IQCK: variants seen among roughly 807,000 people sequenced by gnomAD.
IQCK encodes the protein IQ motif containing K.
Under a neutral mutation model 28.1 loss-of-function variants are expected in IQCK, and 29 were observed. The observed-to-expected ratio is 1.03, with a 90% confidence interval of 0.77 to 1.41. The LOEUF (loss-of-function observed/expected upper bound fraction) is 1.41, where lower values mean the gene tolerates loss of function less well. Ranked by LOEUF, IQCK falls within the 40% of genes most tolerant of loss-of-function variation. The pLI, the probability that IQCK is intolerant of heterozygous loss-of-function variation, is 0.00. For synonymous variants in IQCK, 113 were observed against 115.1 expected (o/e 0.98, Z 0.12); for missense variants, 359 against 314.7 (o/e 1.14, Z -1.07).
chr16:19,854,180 A>C (rs2056523559), intron 9 of IQCK, among the ~76,000 whole-genome samples: 1 of 152,196 alleles, frequency 6.6e-6, no homozygotes, highest in Admixed American at 6.5e-5. Context: ...GGCACCAATA[A>C]ATTTCAGAAG....
At chr16:19,744,024 G>T (rs1482695484) in intron 4 of IQCK, among the ~76,000 whole-genome samples, 1 of 152,110 alleles carries the variant, frequency 6.6e-6, no homozygotes, top group Non-Finnish European at 1.5e-5. Flanking sequence ...CTGCACACAT[G>T]AATTCAGGCA....
Position 19,790,744 on chromosome 16 carries a change from GGGC to G in IQCK, c.690+1823_690+1825del, listed in dbSNP as rs1425528059. On this transcript the variant is annotated intron_variant, in intron 7 of 7. Transcript: ENST00000564186. ...GTACATGGTACATTCCAGAAACCAT[GGGC>G]TAAAGGGAAGTGTGAAAGTTAAGTA... is the stretch of plus-strand genomic sequence containing the variant. Among the ~76,000 whole-genome samples, 7 of 101,736 alleles carry G rather than the reference GGGC, an allele frequency of 6.9e-5. 1 individual carries two copies. The highest frequency in any genetic ancestry group is 1.2e-4 in the African/African-American group (1 of 8,568). 66.7% of individuals were successfully genotyped at this position (101,736 alleles called of 152,430 possible).
At chr16:19,738,782 TGGTGTC>T (rs2054793542) in intron 4 of IQCK, among the ~76,000 whole-genome samples, 1 of 152,166 alleles carries the variant, frequency 6.6e-6, no homozygotes, top group Non-Finnish European at 1.5e-5. Flanking sequence ...GCTACCTGAG[TGGTGTC>T]ACTCTTGTTC....
intron 2 of IQCK, among the ~76,000 whole-genome samples, chr16:19,733,258 C>G (rs1011908254): frequency 1.3e-5 from 2 of 152,126 alleles, no homozygotes; most frequent in Non-Finnish European, 2.9e-5. Flanking sequence ...CTGCCTCAGC[C>G]TTCCAAGTAG....
intron 1 of IQCK, 144 bp from the exon 2 acceptor site, chr16:19,730,286 A>C: frequency 1.8e-6 from 1 of 541,844 alleles, no homozygotes; most frequent in East Asian, 3.2e-5. Flanking sequence ...ATTAAATGTT[A>C]ACCTGTCATG....
chr16:19,766,766 C>T, intron 6 of IQCK, among the ~76,000 whole-genome samples: 1 of 152,212 alleles, frequency 6.6e-6, no homozygotes, highest in East Asian at 1.9e-4. Flanking sequence ...TGAGGCAAAA[C>T]TGCCTCTGGT....
chr16:19,820,285 G>A (rs1026203133), intron 7 of IQCK, among the ~76,000 whole-genome samples: 2 of 152,192 alleles, frequency 1.3e-5, no homozygotes, highest in Non-Finnish European at 2.9e-5. Context: ...GGGAGATCAA[G>A]GTGGGTGGAT....
At position 19,755,023 on chromosome 16, in the gene IQCK, G is replaced by A. The variant is rs184118850; in HGVS notation, c.475-8825G>A. On this transcript the variant is annotated intron_variant, in intron 4 of 7. Coordinates refer to ENST00000564186, the Ensembl canonical transcript of IQCK. ...TTCTCTAATGAAATGCCTTCTCAAT[G>A]GAAAAAAAAATGTGAATACCTGTTT... is the stretch of plus-strand genomic sequence containing the variant. 1.5e-3 allele frequency among the ~76,000 whole-genome samples: 225 copies of A among 151,668 alleles called. 2 individuals are homozygous for A. Among genetic ancestry groups the A allele is most frequent in the African/African-American group, 4.7e-3 (193 of 41,400 alleles).
chr16:19,731,244 A>C (rs1173003736), intron 2 of IQCK, among the ~76,000 whole-genome samples: 1 of 152,210 alleles, frequency 6.6e-6, no homozygotes, highest in African/African-American at 2.4e-5. Flanking sequence ...GCAGCCAGGA[A>C]GAGAGGCCCT....
chr16:19,809,546 C>A (rs962288858), intron 7 of IQCK, among the ~76,000 whole-genome samples: 6 of 152,204 alleles, frequency 3.9e-5, no homozygotes, highest in Non-Finnish European at 4.4e-5. Flanking sequence ...ACAAAAACTT[C>A]AAGCCTTCTG....
chr16:19,808,222 C>G (rs1392111340), intron 7 of IQCK, among the ~76,000 whole-genome samples: 5 of 152,182 alleles, frequency 3.3e-5, no homozygotes, highest in Middle Eastern at 3.2e-3. Flanking sequence ...TTCCCTTCCC[C>G]CTGCCTGCTC....
chr16:19,765,521 G>C lies in IQCK; in HGVS notation c.605+1409G>C, dbSNP rs1051300640. On this transcript the variant is annotated intron_variant, in intron 6 of 7. Coordinates refer to ENST00000564186, the Ensembl canonical transcript of IQCK. ...CCACTGTACTCCAGCCTCGGGGACA[G>C]AGTGAGACTCTGTCTCAAAAAAAAA... Among the ~76,000 whole-genome samples the C allele has an allele frequency of 5.3e-5, 8 of 152,088 alleles. No homozygotes were observed. The South Asian group carries it at 1.5e-3, about 28-fold the overall frequency.
At chr16:19,722,616 T>C (rs966339558) in intron 1 of IQCK, among the ~76,000 whole-genome samples, 1 of 152,202 alleles carries the variant, frequency 6.6e-6, no homozygotes, top group African/African-American at 2.4e-5. Flanking sequence ...TTTTCAATGC[T>C]GGGCCAGGTA....
chr16:19,836,489 C>G (rs141523639), intron 9 of IQCK, among the ~76,000 whole-genome samples: 154 of 152,344 alleles, frequency 1.0e-3, no homozygotes, highest in African/African-American at 3.7e-3. Context: ...GATTTCCTTT[C>G]TTAATGATTT....
chr16:19,851,726 A>G (rs2141124452), intron 9 of IQCK, among the ~76,000 whole-genome samples: 2 of 152,304 alleles, frequency 1.3e-5, no homozygotes, highest in South Asian at 4.1e-4. Flanking sequence ...TGAGAGGGAC[A>G]AGGACAGCAT....
intron 6 of IQCK, among the ~76,000 whole-genome samples, chr16:19,778,106 A>G (rs2055420873): frequency 6.6e-6 from 1 of 152,176 alleles, no homozygotes; most frequent in South Asian, 2.1e-4. Context: ...TGGCAGGCAC[A>G]TCTGGGCTCC....
intron 1 of IQCK, among the ~76,000 whole-genome samples, chr16:19,723,938 TGACAGAGTGA>T (rs1977574329): frequency 6.7e-6 from 1 of 149,048 alleles, no homozygotes; most frequent in Non-Finnish European, 1.5e-5. Flanking sequence ...CCAGCCTGGG[TGACAGAGTGA>T]GACTCTTGTT....
exon 4 of IQCK, chr16:19,735,388 C>T: frequency 6.2e-7 from 1 of 1,614,082 alleles, no homozygotes. Flanking sequence ...TTTCATCTTT[C>T]CTGTTCTGCT....
intron 4 of IQCK, among the ~76,000 whole-genome samples, chr16:19,752,481 C>T (rs1230254711): frequency 6.6e-6 from 1 of 152,182 alleles, no homozygotes; most frequent in African/African-American, 2.4e-5. Flanking sequence ...CTGGAGTTAA[C>T]TCTTTGAGGG....
Sources: gnomAD v4.1 joint callset for allele counts (sites outside exome capture counted in the v4.1 genomes callset) on GRCh38, gnomAD v4.1.1 for gene constraint, MANE v1.5 for transcripts, NCBI Gene and HGNC (gene_info 2026-07-23, HGNC 2026-07-21) for gene names.